The following GABRB1 variants were observed in gnomAD, a reference collection of about 807,000 sequenced individuals.
GABRB1 encodes the protein gamma-aminobutyric acid type A receptor subunit beta1, also known as gamma-aminobutyric acid receptor subunit beta-1.
GABRB1 carries 17 observed loss-of-function variants against 51.6 expected under a neutral mutation model. The observed-to-expected ratio is 0.33, with a 90% CI of 0.23 to 0.49. The LOEUF is 0.49. Ranked by LOEUF, GABRB1 falls within the 20% of genes least tolerant of loss-of-function variation. The pLI is 0.99. For synonymous variants in GABRB1, 247 were observed against 218.9 expected (o/e 1.13, Z -1.14); for missense variants, 410 against 600.6 (o/e 0.68, Z 3.32).
intron 4 of GABRB1, among the ~76,000 whole-genome samples, chr4:47,222,121 A>G (rs956059655): frequency 1.3e-5 from 2 of 152,150 alleles, no homozygotes; most frequent in African/African-American, 4.8e-5. Flanking sequence ...GAAACAAGAA[A>G]GCAAAGCATC....
At chr4:47,331,006 C>A (rs1725460895) in intron 5 of GABRB1, among the ~76,000 whole-genome samples, 1 of 152,102 alleles carries the variant, frequency 6.6e-6, no homozygotes, top group African/African-American at 2.4e-5. Flanking sequence ...GGATGCAAAA[C>A]ACCAAAAATA....
intron 3 of GABRB1, among the ~76,000 whole-genome samples, chr4:47,056,719 T>A (rs1177987596): frequency 6.6e-6 from 1 of 152,124 alleles, no homozygotes; most frequent in Non-Finnish European, 1.5e-5. Flanking sequence ...CATGATGATA[T>A]GATCTTTACC....
chr4:47,297,260 A>G (rs747220415), intron 4 of GABRB1, among the ~76,000 whole-genome samples: 2 of 129,484 alleles, frequency 1.5e-5, no homozygotes, highest in Non-Finnish European at 3.2e-5. Context: ...AACTAAAATC[A>G]GAGCAGAACT....
chr4:47,368,755 A>C (rs1403477266), intron 5 of GABRB1, among the ~76,000 whole-genome samples: 1 of 152,006 alleles, frequency 6.6e-6, no homozygotes, highest in Non-Finnish European at 1.5e-5. Context: ...GTGTATGACC[A>C]CTAACATTAT....
At chr4:47,403,288 G>T (rs1290403954) in intron 5 of GABRB1, 30 bp from the exon 6 acceptor site, 2 of 1,609,518 alleles carry the variant, frequency 1.2e-6, no homozygotes, top group African/African-American at 1.3e-5. Flanking sequence ...CCTAAACTTT[G>T]TTTAACCGTG....
chr4:47,019,625 C>CTCTCTCTCTT (rs1274221477), intron 1 of GABRB1, among the ~76,000 whole-genome samples: 1,215 of 91,070 alleles, frequency 0.013, 7 homozygotes, highest in Non-Finnish European at 0.02. Flanking sequence ...TTCTTTCTCT[C>CTCTCTCTCTT]TCTTTCTTTC....
intron 3 of GABRB1, among the ~76,000 whole-genome samples, chr4:47,090,051 A>C (rs923255495): frequency 1.3e-5 from 2 of 152,186 alleles, no homozygotes; most frequent in African/African-American, 4.8e-5. Context: ...TCCTTCAGTA[A>C]ATTTTCTCAT....
intron 3 of GABRB1, among the ~76,000 whole-genome samples, chr4:47,047,326 C>G (rs1560510314): frequency 6.6e-6 from 1 of 152,056 alleles, no homozygotes; most frequent in Non-Finnish European, 1.5e-5. Flanking sequence ...ATCTACAAAG[C>G]AGGTACTATT....
At chr4:47,146,312 C>T (rs945360663) in intron 3 of GABRB1, among the ~76,000 whole-genome samples, 3 of 151,844 alleles carry the variant, frequency 2.0e-5, no homozygotes, top group African/African-American at 7.3e-5. Flanking sequence ...TTTTCCCCCT[C>T]TCTCTCCCCC....
chr4:47,392,621 C>T lies in GABRB1; in HGVS notation c.545-10697C>T, dbSNP rs1293627004. Among the ~76,000 whole-genome samples, 5 of 152,220 alleles carry T rather than the reference C, an allele frequency of 3.3e-5. No homozygotes were observed. In the East Asian group the frequency reaches 7.7e-4, roughly 24 times the overall value. ...CCTCCCAAAGTGTTGGGATTACAGG[C>T]GTGAGCCACCGTGCCCAGCCTCTCC... On this transcript the variant is annotated intron_variant, in intron 5 of 8. Coordinates refer to ENST00000295454, the MANE Select transcript of GABRB1 (RefSeq NM_000812.4).
chr4:47,146,239 G>A (rs1717165439), intron 3 of GABRB1, among the ~76,000 whole-genome samples: 1 of 151,868 alleles, frequency 6.6e-6, no homozygotes, highest in Non-Finnish European at 1.5e-5. Flanking sequence ...AAAAGACAGG[G>A]GAACATAAAG....
intron 8 of GABRB1, among the ~76,000 whole-genome samples, chr4:47,421,152 A>G (rs1361295295): frequency 6.6e-6 from 1 of 151,044 alleles, no homozygotes; most frequent in Non-Finnish European, 1.5e-5. Context: ...GCAGAACTAG[A>G]TCCATTATCT....
At chr4:47,123,579 A>ATATATTATAATATATTG (rs1715921142) in intron 3 of GABRB1, among the ~76,000 whole-genome samples, 1 of 6,118 alleles carries the variant, frequency 1.6e-4, no homozygotes, top group East Asian at 2.1e-3. Context: ...ACATTATTTC[A>ATATATTATAATATATTG]TATATTATAA....
intron 3 of GABRB1, among the ~76,000 whole-genome samples, chr4:47,066,399 T>C (rs1192631845): frequency 6.6e-6 from 1 of 152,226 alleles, no homozygotes; most frequent in Non-Finnish European, 1.5e-5. Context: ...CTTTCTTTCA[T>C]GAAAGACTTC....
chr4:47,350,692 C>T (rs1726295311), intron 5 of GABRB1, among the ~76,000 whole-genome samples: 1 of 151,964 alleles, frequency 6.6e-6, no homozygotes, highest in Non-Finnish European at 1.5e-5. Flanking sequence ...ATTGAATTAG[C>T]ACATATACCA....
chr4:47,248,859 G>A (rs1578033299), intron 4 of GABRB1, among the ~76,000 whole-genome samples: 1 of 151,810 alleles, frequency 6.6e-6, no homozygotes, highest in African/African-American at 2.4e-5. Context: ...AATATCTCCT[G>A]TTACTTTTCT....
intron 3 of GABRB1, among the ~76,000 whole-genome samples, chr4:47,160,335 T>C (rs1053806496): frequency 2.0e-5 from 3 of 152,168 alleles, no homozygotes; most frequent in Admixed American, 2.0e-4. Flanking sequence ...CCACTGAGGT[T>C]AGTCTTCAGA....
At chr4:47,176,442 G>A (rs1437734616) in intron 4 of GABRB1, among the ~76,000 whole-genome samples, 2 of 151,988 alleles carry the variant, frequency 1.3e-5, no homozygotes, top group African/African-American at 4.8e-5. Flanking sequence ...TTTGACCCAA[G>A]GAACTGAAAG....
At chr4:47,222,289 A>C (rs188893164) in intron 4 of GABRB1, among the ~76,000 whole-genome samples, 1 of 152,252 alleles carries the variant, frequency 6.6e-6, no homozygotes, top group Admixed American at 6.5e-5. Flanking sequence ...TATGGAATCA[A>C]CAAATAATGA....
Sources: allele counts gnomAD v4.1 joint callset (sites outside exome capture counted in the v4.1 genomes callset), GRCh38; gene constraint gnomAD v4.1.1; transcripts MANE v1.5; gene names NCBI Gene and HGNC (gene_info 2026-07-23, HGNC 2026-07-21).